GPC5: variants seen among roughly 807,000 people sequenced by gnomAD.
GPC5 encodes the protein glypican-5.
In GPC5, 47 loss-of-function variants were observed where a neutral mutation model predicts 53.9. That is an observed-to-expected ratio of 0.87 (90% CI 0.69 to 1.11). GPC5 has a LOEUF of 1.11. GPC5 is among the 50% of genes most tolerant of loss of function. GPC5 has a pLI of 0.00. For synonymous variants in GPC5, 286 were observed against 263.3 expected (o/e 1.09, Z -0.84); for missense variants, 748 against 713.1 (o/e 1.05, Z -0.56).
At chr13:92,355,205 G>A (rs898017619) in intron 7 of GPC5, among the ~76,000 whole-genome samples, 1 of 151,260 alleles carries the variant, frequency 6.6e-6, no homozygotes, top group African/African-American at 2.4e-5. Context: ...TGGAGGTTTT[G>A]TGGTTTGTTT....
At chr13:91,985,439 T>C (rs1566378834) in intron 6 of GPC5, among the ~76,000 whole-genome samples, 2 of 151,802 alleles carry the variant, frequency 1.3e-5, no homozygotes, top group African/African-American at 2.4e-5. Flanking sequence ...ATTTTTTAAA[T>C]CTACTGTTTT....
At chr13:91,419,717 A>G (rs1878474204) in intron 1 of GPC5, among the ~76,000 whole-genome samples, 1 of 152,220 alleles carries the variant, frequency 6.6e-6, no homozygotes, top group Non-Finnish European at 1.5e-5. Context: ...GTGCCTGGTA[A>G]CAAGACGTAT....
At position 91,398,765 on chromosome 13, in the gene GPC5, A is replaced by G. The variant is rs1452148868; in HGVS notation, c.-282A>G. The G allele has an allele frequency of 1.5e-5, 6 of 387,956 alleles. No individual in the cohort carries two copies. The highest frequency in any genetic ancestry group is 2.8e-5 in the Non-Finnish European group (6 of 217,476). The allele number at this position is 387,956 out of a possible 1,614,324, so 24.0% of individuals were successfully genotyped here. ...ATGCTTGCGGGCTCCCTGCGGCTCC[A>G]CTAGTTTTCTTCGCCCCGCCCAGCC... is the stretch of plus-strand genomic sequence containing the variant. On this transcript the variant is annotated 5_prime_UTR_variant, in exon 1 of 8. Coordinates refer to ENST00000377067, the MANE Select transcript of GPC5 (RefSeq NM_004466.6).
intron 7 of GPC5, among the ~76,000 whole-genome samples, chr13:92,260,750 G>T (rs2042760839): frequency 6.6e-6 from 1 of 152,046 alleles, no homozygotes; most frequent in Non-Finnish European, 1.5e-5. Flanking sequence ...GCATTCTTAT[G>T]TTTTCTTGGT....
At chr13:92,318,698 G>A (rs2043196260) in intron 7 of GPC5, among the ~76,000 whole-genome samples, 1 of 152,046 alleles carries the variant, frequency 6.6e-6, no homozygotes, top group Non-Finnish European at 1.5e-5. Flanking sequence ...CAGTAATGAG[G>A]TATCAATCAG....
intron 6 of GPC5, among the ~76,000 whole-genome samples, chr13:91,949,750 C>T (rs2040008748): frequency 6.6e-6 from 1 of 152,072 alleles, no homozygotes; most frequent in African/African-American, 2.4e-5. Context: ...CAGAGGTCAA[C>T]CTAAGGATAT....
At position 92,508,327 on chromosome 13, in the gene GPC5, T is replaced by A. The variant is rs569056017; in HGVS notation, c.1562-357955T>A. Among the ~76,000 whole-genome samples the A allele has an allele frequency of 5.3e-5, 8 of 152,210 alleles. No homozygotes were observed. In the South Asian group the frequency reaches 1.0e-3, roughly 20 times the overall value. ...AAATCACCCAAATATATATAGAACATCATATTAGACAAGTAGATAGGAAAA... is the reference window on the plus strand; with the variant it reads ...AAATCACCCAAATATATATAGAACAACATATTAGACAAGTAGATAGGAAAA... On this transcript the variant is annotated intron_variant, in intron 7 of 7. Coordinates refer to ENST00000377067, the MANE Select transcript of GPC5 (RefSeq NM_004466.6).
rs150095905 is a variant in GPC5, at chr13:92,552,014, G to A, written c.1562-314268G>A. On this transcript the variant is annotated intron_variant, in intron 7 of 7. Coordinates refer to ENST00000377067, the MANE Select transcript of GPC5 (RefSeq NM_004466.6). Reference sequence around the variant, plus strand: ...CAGCACTTCTCTGAGATGTTACTGTGCTAATAATGTAAAATGAGAAATCTC... The same window carrying A: ...CAGCACTTCTCTGAGATGTTACTGTACTAATAATGTAAAATGAGAAATCTC... Among the ~76,000 whole-genome samples the A allele has an allele frequency of 2.0e-5, 3 of 151,964 alleles. No individual in the cohort carries two copies. In the East Asian group the frequency reaches 5.8e-4, roughly 29 times the overall value.
At chr13:92,690,329 G>A (rs1350718836) in intron 7 of GPC5, among the ~76,000 whole-genome samples, 1 of 91,744 alleles carries the variant, frequency 1.1e-5, no homozygotes, top group African/African-American at 4.8e-5. Context: ...ATCTTCCATT[G>A]TTGATACCCT....
At chr13:92,292,738 C>T (rs575163525) in intron 7 of GPC5, among the ~76,000 whole-genome samples, 1 of 152,182 alleles carries the variant, frequency 6.6e-6, no homozygotes, top group East Asian at 1.9e-4. Flanking sequence ...ATGAAAACTT[C>T]GCCTAAGCCA....
chr13:92,143,628 AT>A (rs1594780579), intron 6 of GPC5, among the ~76,000 whole-genome samples: 1 of 152,164 alleles, frequency 6.6e-6, no homozygotes, highest in Non-Finnish European at 1.5e-5. Context: ...TTGTTTTAGT[AT>A]TTTTGTTAGA....
At chr13:92,818,197 G>A (rs1877546692) in intron 7 of GPC5, among the ~76,000 whole-genome samples, 1 of 151,650 alleles carries the variant, frequency 6.6e-6, no homozygotes, top group South Asian at 2.1e-4. Context: ...CTTCAGTAAA[G>A]ATGGGGTTCA....
At chr13:92,545,345 T>G (rs906933307) in intron 7 of GPC5, among the ~76,000 whole-genome samples, 10 of 152,112 alleles carry the variant, frequency 6.6e-5, no homozygotes, top group Non-Finnish European at 1.2e-4. Flanking sequence ...TTGGTTCCAA[T>G]TCTTTGCTAT....
At chr13:91,944,827 T>G (rs1289716672) in intron 6 of GPC5, among the ~76,000 whole-genome samples, 2 of 152,180 alleles carry the variant, frequency 1.3e-5, no homozygotes, top group Non-Finnish European at 2.9e-5. Context: ...AGCTGATAGA[T>G]ATGTTGCAAA....
chr13:92,864,549 T>C (rs927329924), intron 7 of GPC5, among the ~76,000 whole-genome samples: 1 of 151,904 alleles, frequency 6.6e-6, no homozygotes, highest in Non-Finnish European at 1.5e-5. Flanking sequence ...CTCAAATTTA[T>C]GTAGTTATCT....
chr13:92,002,058 A>G (rs539217280), intron 6 of GPC5, among the ~76,000 whole-genome samples: 1 of 152,076 alleles, frequency 6.6e-6, no homozygotes, highest in South Asian at 2.1e-4. Context: ...TACTGACATG[A>G]GAGGCGGTAA....
intron 6 of GPC5, among the ~76,000 whole-genome samples, chr13:91,952,189 C>CTA (rs138325351): frequency 0.099 from 11,794 of 119,352 alleles, 1,350 homozygotes; most frequent in African/African-American, 0.27. Flanking sequence ...CTCTCTCTCT[C>CTA]TGTGTGTGTG....
intron 5 of GPC5, among the ~76,000 whole-genome samples, chr13:91,771,907 C>T (rs1353926166): frequency 6.6e-6 from 1 of 152,120 alleles, no homozygotes; most frequent in African/African-American, 2.4e-5. Context: ...AAAATCTGTT[C>T]AATAGTTCTT....
chr13:91,593,753 A>G (rs749590509), intron 2 of GPC5, among the ~76,000 whole-genome samples: 23 of 152,154 alleles, frequency 1.5e-4, no homozygotes, highest in Admixed American at 2.6e-4. Flanking sequence ...ATTTTTTTCA[A>G]TCAGTGAAAA....
Sources: allele counts gnomAD v4.1 joint callset (sites outside exome capture counted in the v4.1 genomes callset), GRCh38; gene constraint gnomAD v4.1.1; transcripts MANE v1.5; gene names NCBI Gene and HGNC (gene_info 2026-07-23, HGNC 2026-07-21).